Variants in CNTNAP2 observed in about 807,000 individuals in gnomAD.
CNTNAP2 encodes the protein contactin associated protein 2.
CNTNAP2 carries 98 observed loss-of-function variants against 155.2 expected under a neutral mutation model. That is an observed-to-expected ratio of 0.63 (90% CI 0.54 to 0.75). The LOEUF is 0.75. CNTNAP2 is among the 30% of genes least tolerant of loss of function. The pLI, the probability that CNTNAP2 is intolerant of heterozygous loss-of-function variation, is 0.00. For missense variants in CNTNAP2, 1,727 were observed against 1,688.1 expected (o/e 1.02, Z -0.40); for synonymous variants, 651 against 631.2 (o/e 1.03, Z -0.47).
intron 1 of CNTNAP2, among the ~76,000 whole-genome samples, chr7:146,469,996 C>T (rs533399171): frequency 4.7e-4 from 71 of 151,954 alleles, no homozygotes; most frequent in South Asian, 2.1e-3. Context: ...CCCACCACCA[C>T]GCCCGGCTAA....
chr7:148,044,500 C>A (rs546393242), intron 15 of CNTNAP2: 14 of 152,194 alleles, frequency 9.2e-5, no homozygotes, highest in African/African-American at 3.4e-4. Context: ...ATAAGTGGGG[C>A]CTTTGGGAGA....
At chr7:146,613,138 A>G (rs2129154454) in intron 1 of CNTNAP2, among the ~76,000 whole-genome samples, 1 of 152,266 alleles carries the variant, frequency 6.6e-6, no homozygotes. Context: ...ATTTGCAGAG[A>G]CAAATTGTCT....
intron 21 of CNTNAP2, among the ~76,000 whole-genome samples, chr7:148,295,354 T>C (rs1797260777): frequency 6.6e-6 from 1 of 152,084 alleles, no homozygotes; most frequent in East Asian, 1.9e-4. Flanking sequence ...ACTAAGGTTT[T>C]CTTCTTATCT....
At chr7:146,293,619 T>C (rs1218785379) in intron 1 of CNTNAP2, among the ~76,000 whole-genome samples, 2 of 152,186 alleles carry the variant, frequency 1.3e-5, no homozygotes, top group Non-Finnish European at 2.9e-5. Context: ...ACTTTGAGTC[T>C]ATCCCATTCA....
intron 15 of CNTNAP2, among the ~76,000 whole-genome samples, chr7:148,010,833 A>G (rs1050148734): frequency 2.0e-5 from 3 of 151,974 alleles, no homozygotes; most frequent in Non-Finnish European, 4.4e-5. Context: ...TTTGGGCTCT[A>G]TATTTTTTTC....
chr7:146,299,988 T>C (rs1563027340), intron 1 of CNTNAP2, among the ~76,000 whole-genome samples: 1 of 152,260 alleles, frequency 6.6e-6, no homozygotes, highest in East Asian at 1.9e-4. Flanking sequence ...ACCATGGAAG[T>C]AATATAAGCT....
chr7:146,704,604 G>T (rs1327208823), intron 1 of CNTNAP2, among the ~76,000 whole-genome samples: 1 of 151,918 alleles, frequency 6.6e-6, no homozygotes, highest in African/African-American at 2.4e-5. Context: ...ATGTAATCTG[G>T]GCCCTATGTT....
chr7:146,294,894 C>CA (rs1255978894), intron 1 of CNTNAP2, among the ~76,000 whole-genome samples: 3 of 152,002 alleles, frequency 2.0e-5, no homozygotes, highest in African/African-American at 7.2e-5. Context: ...TTTTGTTCAC[C>CA]AAAAGAATTT....
At chr7:147,495,772 A>G (rs1014912233) in intron 11 of CNTNAP2, among the ~76,000 whole-genome samples, 1 of 152,172 alleles carries the variant, frequency 6.6e-6, no homozygotes, top group African/African-American at 2.4e-5. Flanking sequence ...GAAACAACTT[A>G]TATCCATTAG....
chr7:146,769,759 T>G (rs980043351), intron 1 of CNTNAP2, among the ~76,000 whole-genome samples: 1 of 152,222 alleles, frequency 6.6e-6, no homozygotes. Flanking sequence ...GTAAATAGTT[T>G]AGTTTCGTGG....
intron 17 of CNTNAP2, among the ~76,000 whole-genome samples, chr7:148,152,805 A>G (rs1392227000): frequency 1.3e-5 from 2 of 152,132 alleles, no homozygotes; most frequent in Non-Finnish European, 2.9e-5. Context: ...GGGATCACGA[A>G]GTCAGGAGAT....
chr7:148,285,374 A>T (rs1262380804), intron 21 of CNTNAP2, among the ~76,000 whole-genome samples: 1 of 152,248 alleles, frequency 6.6e-6, no homozygotes, highest in African/African-American at 2.4e-5. Flanking sequence ...ATCTTTATTG[A>T]CTGGGAGGAA....
chr7:147,355,828 G>A (rs999882212), intron 9 of CNTNAP2, among the ~76,000 whole-genome samples: 8 of 152,058 alleles, frequency 5.3e-5, no homozygotes, highest in African/African-American at 1.7e-4. Flanking sequence ...AGGACCACAC[G>A]AATTCACAAC....
intron 8 of CNTNAP2, among the ~76,000 whole-genome samples, chr7:147,156,557 C>G (rs1018457891): frequency 1.3e-5 from 2 of 152,162 alleles, no homozygotes; most frequent in Non-Finnish European, 2.9e-5. Context: ...TGCATATGCA[C>G]ACTGTGCCTT....
intron 8 of CNTNAP2, among the ~76,000 whole-genome samples, chr7:147,299,812 T>C (rs1460368306): frequency 1.3e-5 from 2 of 152,340 alleles, no homozygotes; most frequent in Middle Eastern, 3.4e-3. Flanking sequence ...CTGGATGCAG[T>C]GGCTCACGCC....
chr7:146,412,179 C>T (rs1795876064), intron 1 of CNTNAP2, among the ~76,000 whole-genome samples: 2 of 152,220 alleles, frequency 1.3e-5, no homozygotes, highest in East Asian at 3.9e-4. Context: ...ACAAAGCAGC[C>T]ACCTTCCCCC....
chr7:146,230,635 C>T (rs1799367916), intron 1 of CNTNAP2, among the ~76,000 whole-genome samples: 1 of 152,172 alleles, frequency 6.6e-6, no homozygotes, highest in Admixed American at 6.5e-5. Flanking sequence ...TCTTTGAATG[C>T]TGGCTCCACT....
intron 13 of CNTNAP2, among the ~76,000 whole-genome samples, chr7:147,852,406 A>T (rs1286634004): frequency 2.0e-5 from 3 of 152,212 alleles, no homozygotes; most frequent in African/African-American, 7.2e-5. Context: ...TCTACGAGTG[A>T]CTTAGCAACA....
intron 1 of CNTNAP2, among the ~76,000 whole-genome samples, chr7:146,741,923 A>G (rs1409353914): frequency 6.6e-6 from 1 of 152,180 alleles, no homozygotes; most frequent in Admixed American, 6.5e-5. Context: ...CCCTAACAAG[A>G]GGCAATAGCA....
Sources: gnomAD v4.1 joint callset for allele counts (sites outside exome capture counted in the v4.1 genomes callset) on GRCh38, gnomAD v4.1.1 for gene constraint, MANE v1.5 for transcripts, NCBI Gene and HGNC (gene_info 2026-07-23, HGNC 2026-07-21) for gene names.